KCND2: variants seen among roughly 807,000 people sequenced by gnomAD.
KCND2 encodes A-type voltage-gated potassium channel KCND2.
A neutral mutation model predicts 54.4 loss-of-function variants in KCND2; 16 were observed. That is an observed-to-expected ratio of 0.29 (90% CI 0.20 to 0.45). KCND2 has a LOEUF of 0.45. Ranked by LOEUF, KCND2 falls within the 20% of genes least tolerant of loss-of-function variation. The pLI, the probability that KCND2 is intolerant of heterozygous loss-of-function variation, is 1.00. For synonymous variants in KCND2, 317 were observed against 310.7 expected, an observed-to-expected ratio of 1.02 and a Z score of -0.21; for missense variants, 486 against 824.2, an observed-to-expected ratio of 0.59 and a Z score of 5.02.
chr7:120,562,202 A>T (rs1406146683), intron 1 of KCND2, among the ~76,000 whole-genome samples: 2 of 152,218 alleles, frequency 1.3e-5, no homozygotes, highest in Non-Finnish European at 2.9e-5. Flanking sequence ...TGAGTGAGAA[A>T]TGGGGTTCCC....
intron 1 of KCND2, among the ~76,000 whole-genome samples, chr7:120,562,602 A>G (rs923481184): frequency 5.9e-5 from 9 of 152,196 alleles, no homozygotes; most frequent in Admixed American, 3.9e-4. Flanking sequence ...ATGTTTGTAT[A>G]AAAGAGACTG....
intron 1 of KCND2, among the ~76,000 whole-genome samples, chr7:120,682,999 G>C (rs926999454): frequency 4.2e-4 from 64 of 152,254 alleles, no homozygotes; most frequent in African/African-American, 1.5e-3. Flanking sequence ...GGGACTTCTA[G>C]AAGACTCCCC....
intron 1 of KCND2, among the ~76,000 whole-genome samples, chr7:120,328,427 TAC>T (rs1800013297): frequency 6.6e-6 from 1 of 152,128 alleles, no homozygotes; most frequent in South Asian, 2.1e-4. Context: ...TTCTGGCAGT[TAC>T]AGAGTTAAAG....
intron 1 of KCND2, among the ~76,000 whole-genome samples, chr7:120,292,071 C>A (rs1254855914): frequency 1.3e-5 from 2 of 151,650 alleles, no homozygotes; most frequent in African/African-American, 4.8e-5. Context: ...GTTTAAGATC[C>A]CCCATCTCTG....
chr7:120,709,757 A>C (rs1792515754), intron 1 of KCND2, among the ~76,000 whole-genome samples: 1 of 151,940 alleles, frequency 6.6e-6, no homozygotes, highest in South Asian at 2.1e-4. Flanking sequence ...TCCCCCACTT[A>C]CTCCAGGCAG....
At chr7:120,382,559 G>T (rs749180283) in intron 1 of KCND2, among the ~76,000 whole-genome samples, 5 of 151,776 alleles carry the variant, frequency 3.3e-5, no homozygotes, top group Non-Finnish European at 7.4e-5. Context: ...GATGTCTGCT[G>T]TATTACTCTT....
intron 1 of KCND2, among the ~76,000 whole-genome samples, chr7:120,410,693 C>A (rs1267301640): frequency 1.6e-5 from 2 of 123,630 alleles, no homozygotes; most frequent in African/African-American, 6.0e-5. Context: ...CTCTCCCACC[C>A]CCCTCCCCCT....
At chr7:120,566,748 A>G (rs555077095) in intron 1 of KCND2, among the ~76,000 whole-genome samples, 4 of 34,516 alleles carry the variant, frequency 1.2e-4, no homozygotes, top group East Asian at 1.1e-3. Context: ...TAATATATAT[A>G]TTGTATATAT....
chr7:120,474,232 G>A (rs114177196), intron 1 of KCND2, among the ~76,000 whole-genome samples: 2,730 of 152,292 alleles, frequency 0.018, 72 homozygotes, highest in African/African-American at 0.061. Flanking sequence ...GACACCACAT[G>A]GCAGCTCAAG....
chr7:120,354,670 G>A (rs1351241446), intron 1 of KCND2, among the ~76,000 whole-genome samples: 1 of 152,208 alleles, frequency 6.6e-6, no homozygotes, highest in Non-Finnish European at 1.5e-5. Flanking sequence ...AGGATCACTT[G>A]AGGCCAGAAG....
At chr7:120,741,140 G>T (rs1292122816) in intron 2 of KCND2, among the ~76,000 whole-genome samples, 2 of 151,912 alleles carry the variant, frequency 1.3e-5, no homozygotes, top group South Asian at 4.1e-4. Context: ...AAACGAAAAG[G>T]AGTTGGCAGC....
intron 1 of KCND2, among the ~76,000 whole-genome samples, chr7:120,714,371 A>AAG (rs1792577306): frequency 6.6e-6 from 1 of 152,148 alleles, no homozygotes; most frequent in Non-Finnish European, 1.5e-5. Flanking sequence ...AGTTGGTTGT[A>AAG]TAGAACACAA....
intron 1 of KCND2, among the ~76,000 whole-genome samples, chr7:120,318,600 C>G (rs942374957): frequency 1.3e-5 from 2 of 152,028 alleles, no homozygotes; most frequent in African/African-American, 4.8e-5. Context: ...TGAAATAACT[C>G]CATGGTGTTC....
chr7:120,381,482 T>G (rs1800914759), intron 1 of KCND2, among the ~76,000 whole-genome samples: 1 of 152,140 alleles, frequency 6.6e-6, no homozygotes, highest in Non-Finnish European at 1.5e-5. Flanking sequence ...ATGGTAAATT[T>G]ATTTCTGGCT....
chr7:120,283,293 C>A (rs1282450148), intron 1 of KCND2, among the ~76,000 whole-genome samples: 1 of 152,022 alleles, frequency 6.6e-6, no homozygotes, highest in Non-Finnish European at 1.5e-5. Flanking sequence ...ATATGATAGA[C>A]CACAATAAAG....
At chr7:120,635,926 A>G (rs1793299213) in intron 1 of KCND2, among the ~76,000 whole-genome samples, 1 of 152,166 alleles carries the variant, frequency 6.6e-6, no homozygotes, top group African/African-American at 2.4e-5. Context: ...GGAAGATTTC[A>G]AATGATGAAT....
chr7:120,567,237 T>A (rs1584831544), intron 1 of KCND2, among the ~76,000 whole-genome samples: 1 of 152,316 alleles, frequency 6.6e-6, no homozygotes, highest in South Asian at 2.1e-4. Context: ...TTGTTAAAAA[T>A]CTATAAATAT....
intron 1 of KCND2, among the ~76,000 whole-genome samples, chr7:120,341,208 A>C (rs1002605611): frequency 6.6e-6 from 1 of 152,126 alleles, no homozygotes; most frequent in African/African-American, 2.4e-5. Context: ...ATTAGGGTGG[A>C]GGTGTTCAGA....
chr7:120,614,512 T>C (rs1319634865), intron 1 of KCND2, among the ~76,000 whole-genome samples: 1 of 152,188 alleles, frequency 6.6e-6, no homozygotes, highest in African/African-American at 2.4e-5. Context: ...CTTCATTCAA[T>C]TCCTTTGCCA....
Sources: gnomAD v4.1 joint callset for allele counts (sites outside exome capture counted in the v4.1 genomes callset) on GRCh38, gnomAD v4.1.1 for gene constraint, MANE v1.5 for transcripts, NCBI Gene and HGNC (gene_info 2026-07-23, HGNC 2026-07-21) for gene names.